TIAM2: variants seen among roughly 807,000 people sequenced by gnomAD.
The protein encoded by TIAM2 is rho guanine nucleotide exchange factor TIAM2.
A neutral mutation model predicts 152.9 loss-of-function variants in TIAM2; 80 were observed. The observed-to-expected ratio is 0.52, with a 90% CI of 0.44 to 0.63. The LOEUF (loss-of-function observed/expected upper bound fraction) is 0.63, where lower values mean the gene tolerates loss of function less well. TIAM2 is among the 30% of genes least tolerant of loss of function. The pLI, the probability that TIAM2 is intolerant of heterozygous loss-of-function variation, is 0.00. For missense variants in TIAM2, 1,965 were observed against 2,120.1 expected, an observed-to-expected ratio of 0.93 and a Z score of 1.44; for synonymous variants, 804 against 838.0, an observed-to-expected ratio of 0.96 and a Z score of 0.70.
chr6:155,250,001 G>A (rs41284222), intron 21 of TIAM2, 32 bp downstream of exon 21: 26,992 of 1,558,088 alleles, frequency 0.017, 318 homozygotes, highest in Non-Finnish European at 0.022. Flanking sequence ...TGGGAGCCTA[G>A]TGCATGTGGT....
At chr6:155,035,138 C>G (rs931716509) in intron 1 of TIAM2, among the ~76,000 whole-genome samples, 2 of 151,542 alleles carry the variant, frequency 1.3e-5, no homozygotes, top group Non-Finnish European at 2.9e-5. Flanking sequence ...CACGTATGCA[C>G]TGATTCTTTA....
intron 1 of TIAM2, among the ~76,000 whole-genome samples, chr6:155,069,911 CTTTTTTTTT>C (rs36093906): frequency 8.0e-6 from 1 of 125,654 alleles, no homozygotes; most frequent in African/African-American, 2.9e-5. Flanking sequence ...CATTTCTTTT[CTTTTTTTTT>C]TTTTTTTTTT....
intron 1 of TIAM2, among the ~76,000 whole-genome samples, chr6:155,047,714 A>C (rs1562300239): frequency 1.1e-3 from 149 of 138,958 alleles, no homozygotes; most frequent in Non-Finnish European, 1.8e-3. Context: ...AGCGAGAGAG[A>C]GAGAGAGAGA....
At chr6:155,026,555 T>A (rs1207425318) in intron 1 of TIAM2, among the ~76,000 whole-genome samples, 3 of 152,220 alleles carry the variant, frequency 2.0e-5, no homozygotes, top group African/African-American at 7.2e-5. Context: ...GTTTTTGTAA[T>A]AAAGAGGCTG....
rs147025680 is a variant in TIAM2, at chr6:155,249,925, G to A, written c.3907G>A (p.Val1303Met). Residue 1303 changes from valine to methionine, a missense_variant, in exon 21 of 27, where the codon GTG becomes ATG. By Grantham distance (21) the Val-to-Met change is conservative (BLOSUM62 1). Transcript: ENST00000682666. ...GAAGATCTATGAGGATTATGGGACC[G>A]TGTTTGACCAGCTAGTAGCTGAGCA... The part of the protein sequence containing the change: ...MQKIYEDYGT[V>M]FDQLVAEQSG... The A allele has an allele frequency of 3.7e-6, 6 of 1,614,086 alleles. No individual in the cohort carries two copies. The highest frequency in any genetic ancestry group is 2.2e-5 in the East Asian group (1 of 44,884).
intron 1 of TIAM2, among the ~76,000 whole-genome samples, chr6:155,012,128 T>C (rs1778500291): frequency 6.6e-6 from 1 of 152,238 alleles, no homozygotes; most frequent in Non-Finnish European, 1.5e-5. Context: ...AGTGTTTGAA[T>C]AGAGCCTACA....
chr6:155,015,855 T>C (rs1778566291), intron 1 of TIAM2, among the ~76,000 whole-genome samples: 1 of 147,814 alleles, frequency 6.8e-6, no homozygotes, highest in African/African-American at 2.5e-5. Flanking sequence ...GAGAATCTCT[T>C]GAACCCAGGA....
chr6:155,196,577 A>T (rs180974432), intron 14 of TIAM2, among the ~76,000 whole-genome samples: 2 of 152,332 alleles, frequency 1.3e-5, no homozygotes, highest in East Asian at 3.9e-4. Context: ...TTTACAATGA[A>T]AACGTTATCT....
At position 155,256,726 on chromosome 6, in the gene TIAM2, G is replaced by A. The variant is rs749272414; in HGVS notation, c.4711G>A (p.Glu1571Lys). 2 of 1,614,180 alleles carry A rather than the reference G, an allele frequency of 1.2e-6. No individual in the cohort carries two copies. Among genetic ancestry groups the A allele is most frequent in the East Asian group, 2.2e-5 (1 of 44,880 alleles). Residue 1571 changes from glutamate (E) to lysine (K), a missense_variant, in exon 27 of 27, where the codon GAA (glutamate) becomes AAA (lysine). Coordinates refer to ENST00000682666, the MANE Select transcript of TIAM2 (RefSeq NM_012454.4). ...LIKESDILSD[E>K]DDDHRQTVKQ... ...CAAAGAGAGTGACATCCTGAGCGAT[G>A]AAGATGATGACCACCGTCAGACTGT...
At chr6:155,080,629 G>A (rs1478013954) in intron 1 of TIAM2, among the ~76,000 whole-genome samples, 1 of 151,864 alleles carries the variant, frequency 6.6e-6, no homozygotes, top group Non-Finnish European at 1.5e-5. Context: ...TAGTGGAGAC[G>A]GGGTTTCACC....
intron 14 of TIAM2, among the ~76,000 whole-genome samples, chr6:155,185,493 TA>T (rs1319675374): frequency 7.5e-3 from 5 of 664 alleles, no homozygotes; most frequent in East Asian, 0.062. Context: ...AAGCCACTTT[TA>T]TTTATTTATT....
At chr6:155,000,979 A>G (rs921578504) in intron 1 of TIAM2, among the ~76,000 whole-genome samples, 1 of 152,156 alleles carries the variant, frequency 6.6e-6, no homozygotes, top group Non-Finnish European at 1.5e-5. Context: ...GCGAGACCCC[A>G]TCTCAAACAA....
chr6:155,107,252 C>T lies in TIAM2; in HGVS notation c.-118+16873C>T, dbSNP rs146693884. Among the ~76,000 whole-genome samples the T allele has an allele frequency of 4.3e-3, 649 of 152,174 alleles. 6 individuals are homozygous for T. The highest frequency in any genetic ancestry group is 0.014 in the African/African-American group (568 of 41,536). On this transcript the variant is annotated intron_variant, in intron 2 of 26. Transcript: ENST00000682666. ...AAAATGTTTCTCAAAATGCTCCCAC[C>T]GGCAATATATAAGTGCTGACTTATT...
intron 1 of TIAM2, among the ~76,000 whole-genome samples, chr6:155,083,614 T>C (rs1778118495): frequency 6.6e-6 from 1 of 152,094 alleles, no homozygotes; most frequent in African/African-American, 2.4e-5. Flanking sequence ...GGGGCATGGA[T>C]TGTGTGGTTC....
At chr6:155,210,217 AT>A (rs1186468402) in intron 14 of TIAM2, among the ~76,000 whole-genome samples, 2 of 151,640 alleles carry the variant, frequency 1.3e-5, no homozygotes, top group African/African-American at 4.8e-5. Context: ...TATTATTTAA[AT>A]TTTTTAATGT....
intron 14 of TIAM2, among the ~76,000 whole-genome samples, chr6:155,191,520 G>T (rs775818001): frequency 6.6e-6 from 1 of 152,074 alleles, no homozygotes; most frequent in Non-Finnish European, 1.5e-5. Context: ...GGCTGGGCGC[G>T]GTGGCTCATG....
At chr6:155,023,542 T>C (rs1323128260) in intron 1 of TIAM2, among the ~76,000 whole-genome samples, 1 of 152,170 alleles carries the variant, frequency 6.6e-6, no homozygotes, top group Non-Finnish European at 1.5e-5. Context: ...TTTGCAGCCC[T>C]GACAGGTTGG....
chr6:155,249,982 T>A lies in TIAM2; in HGVS notation c.3951+13T>A, dbSNP rs745803337. On this transcript the variant is annotated intron_variant, in intron 21 of 26. Transcript: ENST00000682666. ...AACAGAGAAGGAGGTCCGTGAGACA[T>A]CTGCACCCTGGGAGCCTAGTGCATG... The A allele has an allele frequency of 1.2e-6, 2 of 1,600,460 alleles. No homozygotes were observed. Among genetic ancestry groups the A allele is most frequent in the Non-Finnish European group, 1.7e-6 (2 of 1,170,672 alleles).
At position 155,057,725 on chromosome 6, in the gene TIAM2, T is replaced by C. The variant is rs906466194; in HGVS notation, c.-208-32564T>C. Among the ~76,000 whole-genome samples, 17 of 151,758 alleles carry C rather than the reference T, an allele frequency of 1.1e-4. 1 individual carries two copies. The highest frequency in any genetic ancestry group is 1.1e-3 in the Admixed American group (16 of 15,214). On this transcript the variant is annotated intron_variant, in intron 1 of 26. Transcript: ENST00000682666. ...CATGCCCGGCTAACTTTTGTATTTT[T>C]AGTAGAGATGGGGTTCCACTATGTT... is the stretch of plus-strand genomic sequence containing the variant.
Sources: allele counts gnomAD v4.1 joint callset (sites outside exome capture counted in the v4.1 genomes callset), GRCh38; gene constraint gnomAD v4.1.1; transcripts MANE v1.5; gene names NCBI Gene and HGNC (gene_info 2026-07-23, HGNC 2026-07-21).